The following SGCZ variants were observed in gnomAD, a reference collection of about 807,000 sequenced individuals.
SGCZ encodes the protein sarcoglycan zeta, also known as zeta-sarcoglycan.
SGCZ carries 40 observed loss-of-function variants against 41.3 expected under a neutral mutation model. That is an observed-to-expected ratio of 0.97 (90% confidence interval 0.75 to 1.26). The LOEUF (loss-of-function observed/expected upper bound fraction) is 1.26, where lower values mean the gene tolerates loss of function less well. SGCZ is among the 50% of genes most tolerant of loss of function. The pLI is 0.00. For synonymous variants in SGCZ, 206 were observed against 137.5 expected (o/e 1.50, Z -3.49); for missense variants, 552 against 369.8 (o/e 1.49, Z -4.04).
chr8:15,019,079 G>A (rs190800511), intron 1 of SGCZ, among the ~76,000 whole-genome samples: 233 of 152,292 alleles, frequency 1.5e-3, no homozygotes, highest in African/African-American at 5.3e-3. Context: ...GGGGAAATCC[G>A]CCTCCATGAT....
intron 2 of SGCZ, among the ~76,000 whole-genome samples, chr8:14,524,916 T>G (rs1235691860): frequency 6.6e-6 from 1 of 152,118 alleles, no homozygotes; most frequent in African/African-American, 2.4e-5. Context: ...TGCTCCAAAT[T>G]CTGGGTCCAC....
At chr8:14,902,763 C>T (rs190035545) in intron 1 of SGCZ, among the ~76,000 whole-genome samples, 1 of 152,038 alleles carries the variant, frequency 6.6e-6, no homozygotes, top group East Asian at 1.9e-4. Context: ...GACAAATATT[C>T]GAGTTTACTG....
intron 4 of SGCZ, among the ~76,000 whole-genome samples, chr8:14,204,938 G>C (rs1415666352): frequency 1.3e-5 from 2 of 152,026 alleles, no homozygotes; most frequent in Non-Finnish European, 2.9e-5. Flanking sequence ...CAGGTCTCCA[G>C]CTTGCAGAGA....
At chr8:14,926,917 G>A (rs1799772855) in intron 1 of SGCZ, among the ~76,000 whole-genome samples, 1 of 152,042 alleles carries the variant, frequency 6.6e-6, no homozygotes, top group Admixed American at 6.6e-5. Flanking sequence ...GGGATTACAG[G>A]CGTGAGTCAC....
intron 1 of SGCZ, among the ~76,000 whole-genome samples, chr8:14,586,100 G>A (rs1379575632): frequency 3.3e-5 from 5 of 152,216 alleles, no homozygotes; most frequent in East Asian, 3.9e-4. Context: ...AACTATACAC[G>A]CAGCTGAGAA....
At chr8:14,780,156 C>T (rs1246375306) in intron 1 of SGCZ, among the ~76,000 whole-genome samples, 3 of 151,946 alleles carry the variant, frequency 2.0e-5, no homozygotes, top group Admixed American at 6.6e-5. Context: ...GGGCGGATCA[C>T]GAGGTCAGGA....
intron 1 of SGCZ, among the ~76,000 whole-genome samples, chr8:15,140,016 A>C (rs1808263449): frequency 6.6e-6 from 1 of 151,794 alleles, no homozygotes; most frequent in South Asian, 2.1e-4. Context: ...GACACTGGTT[A>C]TAAAGCCTTT....
intron 1 of SGCZ, among the ~76,000 whole-genome samples, chr8:14,634,202 C>A (rs4831301): frequency 0.67 from 101,930 of 151,552 alleles, 34,465 homozygotes; most frequent in East Asian, 0.77. Context: ...CAATTTGACA[C>A]AGTCAGATTT....
chr8:14,457,769 C>A (rs988066999), intron 2 of SGCZ, among the ~76,000 whole-genome samples: 1 of 152,220 alleles, frequency 6.6e-6, no homozygotes, highest in Non-Finnish European at 1.5e-5. Flanking sequence ...ACACGTGACC[C>A]ACGTGACCTT....
At chr8:14,261,380 G>A (rs1192342501) in intron 3 of SGCZ, among the ~76,000 whole-genome samples, 1 of 152,128 alleles carries the variant, frequency 6.6e-6, no homozygotes, top group Non-Finnish European at 1.5e-5. Flanking sequence ...AAGAAAGTAA[G>A]TATTTTGACA....
intron 5 of SGCZ, among the ~76,000 whole-genome samples, chr8:14,121,197 A>G (rs1001944305): frequency 6.6e-6 from 1 of 152,018 alleles, no homozygotes; most frequent in Non-Finnish European, 1.5e-5. Context: ...GTATTAACAT[A>G]TATTCAACAT....
At chr8:14,435,185 C>T (rs1013320451) in intron 2 of SGCZ, among the ~76,000 whole-genome samples, 7 of 152,072 alleles carry the variant, frequency 4.6e-5, no homozygotes, top group Non-Finnish European at 8.8e-5. Context: ...TATGGATTCT[C>T]AGGCAAACTG....
chr8:14,666,563 GC>G (rs1585166508), intron 1 of SGCZ, among the ~76,000 whole-genome samples: 1 of 151,852 alleles, frequency 6.6e-6, no homozygotes, highest in Non-Finnish European at 1.5e-5. Flanking sequence ...TATTTGCCTG[GC>G]TTTTTTCTGT....
intron 7 of SGCZ, among the ~76,000 whole-genome samples, chr8:14,095,181 T>C (rs1466581229): frequency 6.6e-6 from 1 of 152,202 alleles, no homozygotes; most frequent in Admixed American, 6.5e-5. Context: ...TTTGGTGTTT[T>C]AATCGTGAAG....
chr8:14,589,657 T>C (rs768800963), intron 1 of SGCZ, among the ~76,000 whole-genome samples: 3 of 152,164 alleles, frequency 2.0e-5, no homozygotes, highest in Non-Finnish European at 4.4e-5. Flanking sequence ...ATATTCATAG[T>C]TGCATTTAAT....
intron 4 of SGCZ, among the ~76,000 whole-genome samples, chr8:14,209,020 T>C (rs1805708892): frequency 1.3e-5 from 2 of 152,160 alleles, no homozygotes; most frequent in African/African-American, 2.4e-5. Flanking sequence ...GCTGTGCCAA[T>C]AGGAAAAGGT....
At chr8:14,099,185 T>G (rs1250187750) in intron 7 of SGCZ, among the ~76,000 whole-genome samples, 1 of 152,212 alleles carries the variant, frequency 6.6e-6, no homozygotes, top group Non-Finnish European at 1.5e-5. Context: ...TTGTGCAGCA[T>G]GGATGAACTT....
intron 5 of SGCZ, among the ~76,000 whole-genome samples, chr8:14,132,680 T>C (rs943949762): frequency 2.0e-5 from 3 of 152,160 alleles, no homozygotes; most frequent in Non-Finnish European, 4.4e-5. Context: ...TTCTTCAGGG[T>C]TGGTTTCTGT....
chr8:15,004,841 T>C (rs1303354142), intron 1 of SGCZ, among the ~76,000 whole-genome samples: 2 of 152,094 alleles, frequency 1.3e-5, no homozygotes, highest in Non-Finnish European at 2.9e-5. Flanking sequence ...ACAATGAGGG[T>C]TCCCAAGTGT....
Sources: allele counts gnomAD v4.1 joint callset (sites outside exome capture counted in the v4.1 genomes callset), GRCh38; gene constraint gnomAD v4.1.1; transcripts MANE v1.5; gene names NCBI Gene and HGNC (gene_info 2026-07-23, HGNC 2026-07-21).